NAALADL2: variants seen among roughly 807,000 people sequenced by gnomAD.
The protein encoded by NAALADL2 is inactive N-acetylated-alpha-linked acidic dipeptidase-like protein 2.
NAALADL2 carries 76 observed loss-of-function variants against 87.2 expected under a neutral mutation model. The ratio of observed to expected loss-of-function variants is 0.87; its 90% CI spans 0.72 to 1.05. The LOEUF (loss-of-function observed/expected upper bound fraction) is 1.05. Ranked by LOEUF, NAALADL2 falls within the 50% of genes least tolerant of loss-of-function variation. NAALADL2 has a pLI of 0.00. For missense variants in NAALADL2, 1,089 were observed against 945.8 expected, an observed-to-expected ratio of 1.15 and a Z score of -1.99; for synonymous variants, 354 against 331.0, an observed-to-expected ratio of 1.07 and a Z score of -0.75.
rs1760386224 is a variant in NAALADL2, at chr3:175,324,193, G to C, written c.958G>C (p.Ala320Pro). 2 of 1,612,910 alleles carry C rather than the reference G, an allele frequency of 1.2e-6. No homozygotes were observed. Among genetic ancestry groups the C allele is most frequent in the African/African-American group, 2.7e-5 (2 of 74,970 alleles). Residue 320 changes from alanine (A) to proline (P), a missense_variant, in exon 5 of 14, where the codon GCT becomes CCT. Transcript: ENST00000454872. ...LLYKLSSLEK[A>P]GFGGVLLYID... Reference sequence around the variant, plus strand: ...CTTTTAGCTTTCCTCATTGGAAAAGGCTGGATTTGGAGGTGTTCTTCTGTA... The same window carrying C: ...CTTTTAGCTTTCCTCATTGGAAAAGCCTGGATTTGGAGGTGTTCTTCTGTA...
chr3:174,643,980 G>A lies in NAALADL2; in HGVS notation c.-115+93343G>A, dbSNP rs374269904. Among the ~76,000 whole-genome samples the A allele has an allele frequency of 3.3e-5, 5 of 152,130 alleles. 1 individual carries two copies. The highest frequency in any genetic ancestry group is 2.1e-4 in the South Asian group (1 of 4,822). ...TCTCTTTAACTCAGTTTATGAAATC[G>A]TTTTAAATTTAAGGTCACTACCACA... is the stretch of plus-strand genomic sequence containing the variant. On this transcript the variant is annotated intron_variant, in intron 2 of 3. Transcript: ENST00000434257.
At chr3:174,984,194 G>A (rs9815045) in intron 1 of NAALADL2, among the ~76,000 whole-genome samples, 2 of 152,024 alleles carry the variant, frequency 1.3e-5, no homozygotes, top group East Asian at 1.9e-4. Flanking sequence ...AACATAAAAG[G>A]TTGGTCTAAA....
At chr3:175,052,161 A>C (rs1009048462) in intron 1 of NAALADL2, among the ~76,000 whole-genome samples, 4 of 152,240 alleles carry the variant, frequency 2.6e-5, no homozygotes, top group Admixed American at 2.6e-4. Flanking sequence ...TATCTGCAGC[A>C]GGAGCATGTC....
At chr3:175,263,858 C>G (rs1751503946) in intron 4 of NAALADL2, among the ~76,000 whole-genome samples, 1 of 151,518 alleles carries the variant, frequency 6.6e-6, no homozygotes, top group Non-Finnish European at 1.5e-5. Flanking sequence ...TTATATAGTA[C>G]TCTAAAATTT....
intron 1 of NAALADL2, among the ~76,000 whole-genome samples, chr3:175,065,901 T>C (rs1421210171): frequency 1.3e-5 from 2 of 152,208 alleles, no homozygotes; most frequent in African/African-American, 2.4e-5. Context: ...AACAGAGATA[T>C]AGAGAATTGA....
rs1023358980 is a variant in NAALADL2 at position 174,641,204 on chromosome 3, G to T, written c.-115+90567G>T. ...AGGGTCTCCACAGCTGCAAGAGATGGATTCTGCCCACAACCACGTGCGCTC... is the reference window on the plus strand; with the variant it reads ...AGGGTCTCCACAGCTGCAAGAGATGTATTCTGCCCACAACCACGTGCGCTC... On this transcript the variant is annotated intron_variant, in intron 2 of 3. Transcript: ENST00000434257. Among the ~76,000 whole-genome samples, 3 of 152,252 alleles carry T rather than the reference G, an allele frequency of 2.0e-5. No homozygotes were observed. The East Asian group carries it at 5.9e-4, about 30-fold the overall frequency.
At chr3:174,573,408 A>G (rs1244467187) in intron 2 of NAALADL2, among the ~76,000 whole-genome samples, 2 of 152,160 alleles carry the variant, frequency 1.3e-5, no homozygotes, top group African/African-American at 4.8e-5. Context: ...GCTGAGACTA[A>G]AGGTGTCCAC....
chr3:174,837,183 CAA>C (rs1195705826), intron 3 of NAALADL2, among the ~76,000 whole-genome samples: 3 of 151,672 alleles, frequency 2.0e-5, no homozygotes, highest in African/African-American at 7.3e-5. Flanking sequence ...AAAAAAAATA[CAA>C]AAGAGAAATG....
intron 2 of NAALADL2, among the ~76,000 whole-genome samples, chr3:174,731,116 T>G (rs1486271863): frequency 6.6e-6 from 1 of 152,074 alleles, no homozygotes; most frequent in African/African-American, 2.4e-5. Context: ...CCACACACTA[T>G]CATGGAAAGG....
At position 174,905,963 on chromosome 3, in the gene NAALADL2, T is replaced by G. The variant is rs1032232544; in HGVS notation, c.43+46513T>G. Among the ~76,000 whole-genome samples, 10 of 152,072 alleles carry G rather than the reference T, an allele frequency of 6.6e-5. 1 individual carries two copies. Among genetic ancestry groups the G allele is most frequent in the African/African-American group, 2.4e-4 (10 of 41,384 alleles). On this transcript the variant is annotated intron_variant, in intron 1 of 13. Coordinates refer to ENST00000454872, the MANE Select transcript of NAALADL2 (RefSeq NM_207015.3). ...ACAGGTAATGTTAAGCATGCTAAAG[T>G]TTTGAAAAACACTGATACATTAATT...
intron 2 of NAALADL2, among the ~76,000 whole-genome samples, chr3:175,131,860 C>T (rs1410505833): frequency 8.1e-5 from 5 of 61,360 alleles, no homozygotes; most frequent in Admixed American, 1.7e-4. Flanking sequence ...GGCGGCTGGC[C>T]GGGCGGGGTC....
At chr3:175,605,798 A>C (rs1158558182) in intron 10 of NAALADL2, among the ~76,000 whole-genome samples, 5 of 151,996 alleles carry the variant, frequency 3.3e-5, no homozygotes, top group African/African-American at 1.2e-4. Flanking sequence ...GGGATAGTAC[A>C]TTGCTCCCTA....
At chr3:174,857,713 G>A (rs1477189909), upstream of NAALADL2, among the ~76,000 whole-genome samples, 1 of 152,056 alleles carries the variant, frequency 6.6e-6, no homozygotes, top group East Asian at 1.9e-4. Context: ...TATAGGCAAA[G>A]GGTTATTCTA....
intron 4 of NAALADL2, 130 bp from the exon 5 acceptor site, chr3:175,324,045 A>T: frequency 1.6e-6 from 1 of 628,948 alleles, no homozygotes; most frequent in Non-Finnish European, 2.5e-6. Flanking sequence ...AAAAAAAAAG[A>T]AAAAGAAAAA....
intron 9 of NAALADL2, among the ~76,000 whole-genome samples, chr3:175,565,359 C>T (rs921255183): frequency 4.6e-5 from 7 of 152,100 alleles, no homozygotes; most frequent in Non-Finnish European, 8.8e-5. Context: ...TGAGGTGTTC[C>T]ATATTTAGCA....
chr3:175,098,172 C>G (rs1258701071), intron 2 of NAALADL2, among the ~76,000 whole-genome samples: 1 of 152,138 alleles, frequency 6.6e-6, no homozygotes, highest in Non-Finnish European at 1.5e-5. Flanking sequence ...CCTTCTGTGT[C>G]TGCTGTTCCC....
At chr3:174,952,840 T>C (rs1438175585) in intron 1 of NAALADL2, among the ~76,000 whole-genome samples, 1 of 152,126 alleles carries the variant, frequency 6.6e-6, no homozygotes, top group Admixed American at 6.6e-5. Flanking sequence ...GATTGCTGGG[T>C]ACTGTCCCTG....
At chr3:175,533,147 C>G (rs1318095623) in intron 9 of NAALADL2, among the ~76,000 whole-genome samples, 1 of 152,152 alleles carries the variant, frequency 6.6e-6, no homozygotes, top group Non-Finnish European at 1.5e-5. Flanking sequence ...TTAGTGGGCC[C>G]AAATCAATAA....
At chr3:175,717,552 C>T (rs1741480223) in intron 11 of NAALADL2, among the ~76,000 whole-genome samples, 2 of 151,704 alleles carry the variant, frequency 1.3e-5, no homozygotes, top group South Asian at 2.1e-4. Flanking sequence ...ATTAGCTAGA[C>T]GTAGTGGCGC....
Sources: allele counts gnomAD v4.1 joint callset (sites outside exome capture counted in the v4.1 genomes callset), GRCh38; gene constraint gnomAD v4.1.1; transcripts MANE v1.5; gene names NCBI Gene and HGNC (gene_info 2026-07-23, HGNC 2026-07-21).